PLB1: variants seen among roughly 807,000 people sequenced by gnomAD.
PLB1 encodes phospholipase B1, membrane-associated.
In PLB1, 242 loss-of-function variants were observed where a neutral mutation model predicts 227.4. The ratio of observed to expected loss-of-function variants is 1.06; its 90% CI spans 0.96 to 1.18. The LOEUF (loss-of-function observed/expected upper bound fraction) is 1.18, where lower values mean the gene tolerates loss of function less well. Among genes scored for constraint, PLB1 ranks in the 50% most tolerant of loss-of-function variants. The pLI, the probability that PLB1 is intolerant of heterozygous loss-of-function variation, is 0.00. For synonymous variants in PLB1, 757 were observed against 682.2 expected (o/e 1.11, Z -1.71); for missense variants, 1,858 against 1,816.3 (o/e 1.02, Z -0.42).
chr2:28,612,850 C>G (rs1349988106), intron 43 of PLB1, among the ~76,000 whole-genome samples: 1 of 148,210 alleles, frequency 6.7e-6, no homozygotes, highest in Non-Finnish European at 1.5e-5. Context: ...CTCTTGGCCT[C>G]ATGTGATGAA....
chr2:28,581,637 C>G (rs1439187027), intron 23 of PLB1, among the ~76,000 whole-genome samples: 1 of 152,084 alleles, frequency 6.6e-6, no homozygotes, highest in Non-Finnish European at 1.5e-5. Context: ...AAGACAAACA[C>G]TATTTCAATA....
At chr2:28,598,521 C>T (rs1416548830) in intron 34 of PLB1, 131 bp from the exon 35 acceptor site, 7 of 701,328 alleles carry the variant, frequency 1.0e-5, no homozygotes, top group Non-Finnish European at 1.8e-5. Context: ...CACACTGCCT[C>T]CCTGCCTCTC....
intron 12 of PLB1, 59 bp from the exon 13 acceptor site, chr2:28,541,648 G>A: frequency 7.4e-7 from 1 of 1,349,648 alleles, no homozygotes; most frequent in East Asian, 2.3e-5. Flanking sequence ...GGTCAGGTCT[G>A]GGGCCGGCTC....
In PLB1 at chr2:28,518,677, G is replaced by T. The variant is rs548992752; in HGVS notation, c.184+145G>T. ...TCCTCAGTCCCTCAGTGTGACAGAT[G>T]ATTTCCCAGTCATCTGTCATATTTC... On this transcript the variant is annotated intron_variant, in intron 3 of 57. Coordinates refer to ENST00000327757, the MANE Select transcript of PLB1 (RefSeq NM_153021.5). 5.0e-4 allele frequency: 306 copies of T among 614,310 alleles called. 3 individuals carry two copies. In the South Asian group the frequency reaches 6.3e-3, roughly 13 times the overall value. 38.1% of individuals were successfully genotyped at this position (614,310 alleles called of 1,614,324 possible). A position where few individuals can be genotyped will look rare whatever the true frequency, so the allele number is the denominator to read the frequency against.
chr2:28,582,339 G>A, intron 24 of PLB1, 66 bp from the exon 25 acceptor site: 1 of 1,409,170 alleles, frequency 7.1e-7, no homozygotes, highest in Non-Finnish European at 9.9e-7. Flanking sequence ...GGAGGAGCAG[G>A]CCCCAAACCG....
chr2:28,602,715 A>G, intron 38 of PLB1, 106 bp from the exon 39 acceptor site: 1 of 1,013,958 alleles, frequency 9.9e-7, no homozygotes, highest in Non-Finnish European at 1.5e-6. Context: ...ACTCAACTCC[A>G]GAAAGACCAA....
At position 28,619,365 on chromosome 2, in the gene PLB1, G is replaced by C. The variant is rs549947173; in HGVS notation, c.3316-900G>C. ...GATGTGGAAAGGCACATATGAGTCT[G>C]TTCACCACTAATGAGCTCTGGTGGT... On this transcript the variant is annotated intron_variant, in intron 46 of 57. Coordinates refer to ENST00000327757, the MANE Select transcript of PLB1 (RefSeq NM_153021.5). Among the ~76,000 whole-genome samples the C allele has an allele frequency of 4.6e-5, 7 of 152,308 alleles. No individual in the cohort carries two copies. In the East Asian group the frequency reaches 1.3e-3, roughly 29 times the overall value.
chr2:28,589,270 T>A (rs1681459249), intron 26 of PLB1, among the ~76,000 whole-genome samples, 180 bp from the exon 27 acceptor site: 1 of 152,160 alleles, frequency 6.6e-6, no homozygotes, highest in African/African-American at 2.4e-5. Flanking sequence ...GGGGTTGAGA[T>A]AAAGGCTGAT....
chr2:28,643,488 G>C lies in PLB1; in HGVS notation c.*427G>C. 6.0e-6 allele frequency: 1 copy of C among 166,188 alleles called. No homozygotes were observed. The highest frequency in any genetic ancestry group is 2.9e-3 in the Middle Eastern group (1 of 346). 10.3% of individuals were successfully genotyped at this position (166,188 alleles called of 1,614,324 possible). On this transcript the variant is annotated 3_prime_UTR_variant, in exon 58 of 58. Transcript: ENST00000327757. ...ACCAGGTGGTGGCTGGAATTTTGGA[G>C]CTGGCTGGTTGCCATTCAGTCCAAT... is the stretch of plus-strand genomic sequence containing the variant.
chr2:28,523,064 C>T (rs1669736886), intron 4 of PLB1, among the ~76,000 whole-genome samples: 1 of 152,090 alleles, frequency 6.6e-6, no homozygotes, highest in Non-Finnish European at 1.5e-5. Context: ...CTATAGACCC[C>T]CTTTTCCTTG....
chr2:28,566,517 C>T (rs1676930795), intron 19 of PLB1: 1 of 426,180 alleles, frequency 2.3e-6, no homozygotes, highest in Non-Finnish European at 4.3e-6. Context: ...CCTTTGAAAG[C>T]AGGGGTGCAA....
intron 53 of PLB1, among the ~76,000 whole-genome samples, chr2:28,630,164 G>A (rs572102812): frequency 2.0e-5 from 3 of 152,280 alleles, no homozygotes; most frequent in South Asian, 4.1e-4. Context: ...AGAGGCCCCC[G>A]GAACTTGAGG....
chr2:28,563,134 A>G, intron 18 of PLB1, 35 bp downstream of exon 18: 1 of 1,586,736 alleles, frequency 6.3e-7, no homozygotes, highest in Middle Eastern at 1.7e-4. Context: ...GCAGGAGGGG[A>G]AAAGATTTTG....
At chr2:28,511,001 C>T (rs569481680) in intron 1 of PLB1, among the ~76,000 whole-genome samples, 2 of 152,236 alleles carry the variant, frequency 1.3e-5, no homozygotes, top group African/African-American at 4.8e-5. Flanking sequence ...TCCTGCCCAA[C>T]ACTAGCTTGT....
Position 28,605,850 on chromosome 2 carries a change from C to T in PLB1, c.2962-3C>T. 6.2e-7 allele frequency: 1 copy of T among 1,610,822 alleles called. No homozygotes were observed. The highest frequency in any genetic ancestry group is 8.5e-7 in the Non-Finnish European group (1 of 1,177,034). On this transcript the variant is annotated splice_region_variant and splice_polypyrimidine_tract_variant and intron_variant, in intron 41 of 57. Transcript: ENST00000327757. ...CTTGAGGGGGTATATTGGTCTCTTT[C>T]AGGATGGGCTCCCAGATACGTCCTT...
In PLB1 at chr2:28,548,909, G is replaced by A; in HGVS notation, c.986G>A (p.Arg329Lys). The change falls in exon 15 of 58, where the codon AGG (arginine) becomes AAG (lysine). Residue 329 changes from arginine to lysine, a missense_variant. Coordinates refer to ENST00000327757, the MANE Select transcript of PLB1 (RefSeq NM_153021.5). ...GAGCCATTGAGTGTAAAACACGGGAGGCCAATGAAGTGTCCCTCTCAGGTA... is the reference window on the plus strand; with the variant it reads ...GAGCCATTGAGTGTAAAACACGGGAAGCCAATGAAGTGTCCCTCTCAGGTA... ...KDEPLSVKHG[R>K]PMKCPSQESP... is the part of the protein sequence containing the mutation. 2 of 1,614,132 alleles carry A rather than the reference G, an allele frequency of 1.2e-6. No individual in the cohort carries two copies. The highest frequency in any genetic ancestry group is 1.7e-6 in the Non-Finnish European group (2 of 1,179,996).
At chr2:28,510,632 T>TTC (rs1440852308) in intron 1 of PLB1, among the ~76,000 whole-genome samples, 1 of 147,234 alleles carries the variant, frequency 6.8e-6, no homozygotes, top group Non-Finnish European at 1.5e-5. Flanking sequence ...TCTCTTTTTT[T>TTC]TTTTTTTTTG....
At chr2:28,522,173 G>A (rs955123402) in intron 4 of PLB1, among the ~76,000 whole-genome samples, 3 of 151,982 alleles carry the variant, frequency 2.0e-5, no homozygotes, top group African/African-American at 4.8e-5. Context: ...CTTGAGCACT[G>A]GATGAAGCTG....
At chr2:28,576,213 T>C (rs1173189389) in intron 21 of PLB1, among the ~76,000 whole-genome samples, 2 of 152,172 alleles carry the variant, frequency 1.3e-5, no homozygotes, top group Non-Finnish European at 2.9e-5. Flanking sequence ...TCGAAGAAAC[T>C]ATAGCACAAA....
Sources: allele counts gnomAD v4.1 joint callset (sites outside exome capture counted in the v4.1 genomes callset), GRCh38; gene constraint gnomAD v4.1.1; transcripts MANE v1.5; gene names NCBI Gene and HGNC (gene_info 2026-07-23, HGNC 2026-07-21).